The following MAP3K15 variants were observed in gnomAD, a reference collection of about 807,000 sequenced individuals.
MAP3K15 encodes the protein MAPK/ERK kinase kinase 15.
A neutral mutation model predicts 99.5 loss-of-function variants in MAP3K15; 124 were observed. The ratio of observed to expected loss-of-function variants is 1.25; its 90% CI spans 1.08 to 1.45. The LOEUF is 1.45. MAP3K15 is among the 40% of genes most tolerant of loss of function. MAP3K15 has a pLI of 0.00. For missense variants in MAP3K15, 1,242 were observed against 1,079.7 expected (o/e 1.15, Z -2.11); for synonymous variants, 494 against 439.6 (o/e 1.12, Z -1.55).
At chrX:19,407,407 C>A in intron 12 of MAP3K15, 124 bp from the exon 13 acceptor site, 4 of 390,459 alleles carry the variant, frequency 1.0e-5, no homozygotes, top group Non-Finnish European at 1.7e-5. Flanking sequence ...AACAAACACC[C>A]CCCGAGTCTG....
At chrX:19,379,446 T>C (rs1184349615) in intron 19 of MAP3K15, among the ~76,000 whole-genome samples, 1 of 91,102 alleles carries the variant, frequency 1.1e-5, no homozygotes, top group Non-Finnish European at 2.2e-5. Flanking sequence ...TTTTCCTTTT[T>C]TTTTTTTTTT....
chrX:19,514,841 G>A, intron 1 of MAP3K15, 60 bp downstream of exon 1: 1 of 682,391 alleles, frequency 1.5e-6, no homozygotes, highest in Non-Finnish European at 2.0e-6. Flanking sequence ...CGGGGCGGGT[G>A]CCCTGGCTCG....
chrX:19,487,975 G>A (rs989083432), intron 2 of MAP3K15, among the ~76,000 whole-genome samples: 3 of 110,945 alleles, frequency 2.7e-5, no homozygotes, highest in African/African-American at 6.6e-5. Context: ...CCCCATCCCC[G>A]AGACTGTGAT....
chrX:19,363,337 C>A (rs746718869), intron 25 of MAP3K15, among the ~76,000 whole-genome samples: 3 of 112,207 alleles, frequency 2.7e-5, no homozygotes, highest in Non-Finnish European at 5.6e-5. Flanking sequence ...GCCACGGAAT[C>A]TGCTGGCACC....
chrX:19,423,747 ATC>A (rs1415180237), intron 9 of MAP3K15, among the ~76,000 whole-genome samples: 1 of 111,591 alleles, frequency 9.0e-6, no homozygotes, highest in Non-Finnish European at 1.9e-5. Context: ...AGCTAAGAGC[ATC>A]TCTGTTTATC....
At position 19,453,222 on chromosome X, in the gene MAP3K15, C is replaced by T. The variant is rs1193123893; in HGVS notation, c.995+3691G>A. 6.3e-5 allele frequency among the ~76,000 whole-genome samples: 7 copies of T among 111,149 alleles called. No individual in the cohort carries two copies. In the East Asian group the frequency reaches 1.4e-3, roughly 22 times the overall value. ...GCTACAATAAACACCAAACCAAGGC[C>T]GGGCACAGTGGCTCATGTCTGTAAT... On this transcript the variant is annotated intron_variant, in intron 6 of 28. Transcript: ENST00000338883.
chrX:19,504,937 C>G (rs1245172384), intron 1 of MAP3K15, among the ~76,000 whole-genome samples: 1 of 84,634 alleles, frequency 1.2e-5, no homozygotes, highest in Non-Finnish European at 2.1e-5. Flanking sequence ...GCCTGAGCAA[C>G]AGAGCGAGAC....
At chrX:19,471,482 G>C (rs768559084) in intron 3 of MAP3K15, among the ~76,000 whole-genome samples, 5 of 111,037 alleles carry the variant, frequency 4.5e-5, no homozygotes, top group Admixed American at 1.9e-4. Flanking sequence ...GGCTGGTCTT[G>C]AACTCCCAAC....
intron 4 of MAP3K15, 116 bp downstream of exon 4, chrX:19,464,097 G>C: frequency 1.7e-6 from 1 of 585,647 alleles, no homozygotes; most frequent in African/African-American, 2.2e-5. Flanking sequence ...GAGCCAGTAA[G>C]GGACAATAGT....
intron 6 of MAP3K15, among the ~76,000 whole-genome samples, chrX:19,450,035 T>A (rs1348281354): frequency 9.1e-6 from 1 of 109,525 alleles, no homozygotes. Context: ...TGATACTACA[T>A]GGTAGATGTC....
intron 6 of MAP3K15, 42 bp downstream of exon 6, chrX:19,456,871 G>T (rs370751185): frequency 6.6e-5 from 64 of 968,374 alleles, no homozygotes; most frequent in Non-Finnish European, 8.9e-5. Context: ...CAATTCAATG[G>T]GTGGCATGTT....
intron 1 of MAP3K15, among the ~76,000 whole-genome samples, chrX:19,506,863 A>C (rs2064480981): frequency 8.9e-6 from 1 of 112,439 alleles, no homozygotes; most frequent in South Asian, 3.6e-4. Context: ...GGAAATATGA[A>C]AACATCCTAG....
Position 19,446,859 on chromosome X carries a change from T to A in MAP3K15, c.995+10054A>T, listed in dbSNP as rs61472201. On this transcript the variant is annotated intron_variant, in intron 6 of 28. Transcript: ENST00000338883. ...GCCTACAGCCTTCCCTTCCTTTTTT[T>A]AAAAAAATTATTTATTTATATATTT... Among the ~76,000 whole-genome samples the A allele has an allele frequency of 9.8e-3, 1,091 of 111,104 alleles. 24 individuals carry two copies. The highest frequency in any genetic ancestry group is 0.034 in the African/African-American group (1,033 of 30,648).
intron 1 of MAP3K15, among the ~76,000 whole-genome samples, chrX:19,510,964 A>G (rs1167763617): frequency 8.9e-6 from 1 of 111,947 alleles, no homozygotes; most frequent in Non-Finnish European, 1.9e-5. Context: ...AGAATAAAAT[A>G]CCAAGGAATA....
In MAP3K15 at chrX:19,383,051, C is replaced by A. The variant is rs139617356; in HGVS notation, c.2432-2774G>T. ...GGACCCTCAGTCGGCCCCAGTCTCC[C>A]GCTGTGTGTCACCCCGTACTTCCAG... On this transcript the variant is annotated intron_variant, in intron 18 of 28. Transcript: ENST00000338883. Among the ~76,000 whole-genome samples, 1,082 of 111,108 alleles carry A rather than the reference C, an allele frequency of 9.7e-3. 11 individuals are homozygous for A. Among genetic ancestry groups the A allele is most frequent in the African/African-American group, 0.033 (1,018 of 30,525 alleles).
chrX:19,377,600 G>A (rs748135605), intron 19 of MAP3K15, among the ~76,000 whole-genome samples: 37 of 111,950 alleles, frequency 3.3e-4, no homozygotes, highest in Non-Finnish European at 6.2e-4. Context: ...AGAGGAGGCG[G>A]GGAGCCAGGC....
At chrX:19,445,958 A>C (rs12013993) in intron 6 of MAP3K15, among the ~76,000 whole-genome samples, 3,356 of 106,598 alleles carry the variant, frequency 0.031, 137 homozygotes, top group African/African-American at 0.11. Context: ...AAAAATCAAT[A>C]AATAAATAAA....
At chrX:19,441,539 G>A (rs761941046) in intron 6 of MAP3K15, among the ~76,000 whole-genome samples, 1 of 111,793 alleles carries the variant, frequency 8.9e-6, no homozygotes, top group Admixed American at 9.5e-5. Flanking sequence ...GCAGTGGCAC[G>A]ATCTCACTGC....
intron 18 of MAP3K15, among the ~76,000 whole-genome samples, chrX:19,385,571 A>G (rs1200429626): frequency 9.0e-6 from 1 of 110,970 alleles, no homozygotes; most frequent in East Asian, 2.8e-4. Context: ...ACTCCTGGTG[A>G]GCACTTGATG....
Sources: allele counts gnomAD v4.1 joint callset (sites outside exome capture counted in the v4.1 genomes callset), GRCh38; gene constraint gnomAD v4.1.1; transcripts MANE v1.5; gene names NCBI Gene and HGNC (gene_info 2026-07-23, HGNC 2026-07-21).